The following LTBP2 variants were observed in gnomAD, a reference collection of about 807,000 sequenced individuals.
The protein encoded by LTBP2 is latent transforming growth factor beta binding protein 2, also known as latent-transforming growth factor beta-binding protein 2.
Under a neutral mutation model 210.6 loss-of-function variants are expected in LTBP2, and 103 were observed. The observed-to-expected ratio is 0.49, with a 90% CI of 0.42 to 0.58. The LOEUF is 0.58. Ranked by LOEUF, LTBP2 falls within the 20% of genes least tolerant of loss-of-function variation. LTBP2 has a pLI of 0.00. For missense variants in LTBP2, 2,313 were observed against 2,494.5 expected, an observed-to-expected ratio of 0.93 and a Z score of 1.55; for synonymous variants, 1,007 against 1,015.0, an observed-to-expected ratio of 0.99 and a Z score of 0.15.
chr14:74,566,746 TC>T (rs111309273), intron 3 of LTBP2, among the ~76,000 whole-genome samples: 35 of 152,158 alleles, frequency 2.3e-4, no homozygotes, highest in African/African-American at 7.7e-4. Context: ...GCCAGCCCTC[TC>T]CCCCGTGTCC....
intron 8 of LTBP2, among the ~76,000 whole-genome samples, chr14:74,537,999 C>T (rs537180362): frequency 2.6e-5 from 4 of 152,334 alleles, no homozygotes; most frequent in African/African-American, 7.2e-5. Context: ...AGGTGATCCG[C>T]CTGCTTTGGC....
chr14:74,611,311 C>T, intron 1 of LTBP2, 140 bp downstream of exon 1: 1 of 989,832 alleles, frequency 1.0e-6, no homozygotes, highest in Non-Finnish European at 1.4e-6. Flanking sequence ...ATTTTGGAAC[C>T]TCGGGGCTGT....
intron 18 of LTBP2, among the ~76,000 whole-genome samples, chr14:74,516,372 C>T (rs1829289262): frequency 6.6e-6 from 1 of 151,456 alleles, no homozygotes; most frequent in Non-Finnish European, 1.5e-5. Context: ...CCCTTCCTTC[C>T]TTCCTTCCTC....
chr14:74,526,023 C>T lies in LTBP2; in HGVS notation c.2428+52G>A. Reference sequence around the variant, plus strand: ...TAGTAACTCCACTCCTGATTAAGGGCTCTTTCCCTCCCTTCTCTTTTGCCT... The same window carrying T: ...TAGTAACTCCACTCCTGATTAAGGGTTCTTTCCCTCCCTTCTCTTTTGCCT... On this transcript the variant is annotated intron_variant, in intron 14 of 35. Coordinates refer to ENST00000261978, the MANE Select transcript of LTBP2 (RefSeq NM_000428.3). The T allele has an allele frequency of 8.4e-6, 13 of 1,548,692 alleles. No individual in the cohort carries two copies. The South Asian group carries it at 1.5e-4, about 18-fold the overall frequency.
intron 12 of LTBP2, among the ~76,000 whole-genome samples, chr14:74,527,929 T>C (rs2087295460): frequency 6.6e-6 from 1 of 152,250 alleles, no homozygotes; most frequent in African/African-American, 2.4e-5. Flanking sequence ...GCTGGCGCTA[T>C]GACGTTCCAG....
chr14:74,576,921 C>T (rs1029028255), intron 3 of LTBP2, among the ~76,000 whole-genome samples: 2 of 152,082 alleles, frequency 1.3e-5, no homozygotes, highest in Admixed American at 6.5e-5. Flanking sequence ...CTTTCACACA[C>T]GTCTTAGTTA....
chr14:74,579,036 T>C (rs1274732507), intron 3 of LTBP2, among the ~76,000 whole-genome samples: 2 of 152,200 alleles, frequency 1.3e-5, no homozygotes, highest in Admixed American at 1.3e-4. Flanking sequence ...TTTGTATTTT[T>C]AGTAGAGACG....
rs112663372 is a variant in LTBP2, at chr14:74,546,786, C to G, written c.1789+3077G>C. Among the ~76,000 whole-genome samples the G allele has an allele frequency of 5.4e-4, 82 of 152,364 alleles. No homozygotes were observed. In the South Asian group the frequency reaches 6.8e-3, roughly 13 times the overall value. ...CCGAGCTCACCAGCTGTATTTGGAGCAGGTTCCTTGGGCATCAGGTGGGCT... is the reference window on the plus strand; with the variant it reads ...CCGAGCTCACCAGCTGTATTTGGAGGAGGTTCCTTGGGCATCAGGTGGGCT... On this transcript the variant is annotated intron_variant, in intron 8 of 35. Coordinates refer to ENST00000261978, the MANE Select transcript of LTBP2 (RefSeq NM_000428.3).
intron 2 of LTBP2, among the ~76,000 whole-genome samples, chr14:74,598,223 C>T (rs2088396493): frequency 6.6e-6 from 1 of 152,232 alleles, no homozygotes; most frequent in Non-Finnish European, 1.5e-5. Context: ...ATGGGGCAAA[C>T]AGGCTCCCTC....
At chr14:74,551,452 G>A in intron 6 of LTBP2, 102 bp from the exon 7 acceptor site, 2 of 1,145,258 alleles carry the variant, frequency 1.7e-6, no homozygotes, top group Non-Finnish European at 2.4e-6. Flanking sequence ...CAGGCCACTG[G>A]CTATGTGTCA....
intron 13 of LTBP2, 131 bp downstream of exon 13, chr14:74,527,216 G>T (rs2087284598): frequency 1.6e-6 from 2 of 1,219,464 alleles, no homozygotes; most frequent in East Asian, 2.6e-5. Flanking sequence ...ATCTCTTCAA[G>T]TAAAATCTAA....
chr14:74,575,220 G>A (rs954973863), intron 3 of LTBP2, among the ~76,000 whole-genome samples: 45 of 152,214 alleles, frequency 3.0e-4, no homozygotes, highest in Non-Finnish European at 6.3e-4. Flanking sequence ...GCCGTGGCCT[G>A]CTCAGGGCCT....
intron 3 of LTBP2, among the ~76,000 whole-genome samples, chr14:74,582,801 C>A (rs564723788): frequency 6.6e-6 from 1 of 152,344 alleles, no homozygotes; most frequent in African/African-American, 2.4e-5. Context: ...CGAATCAGAA[C>A]CTGCATGTTG....
intron 8 of LTBP2, among the ~76,000 whole-genome samples, chr14:74,537,794 G>A (rs530942117): frequency 3.3e-5 from 5 of 151,880 alleles, no homozygotes; most frequent in Non-Finnish European, 7.4e-5. Context: ...TTGCTCTGTC[G>A]CACAGGCTGG....
intron 3 of LTBP2, among the ~76,000 whole-genome samples, chr14:74,564,751 A>C (rs1183585645): frequency 6.6e-6 from 1 of 152,032 alleles, no homozygotes; most frequent in Non-Finnish European, 1.5e-5. Flanking sequence ...CATTACGTGC[A>C]TCCTCTCACA....
chr14:74,524,470 C>T (rs2087246140), intron 15 of LTBP2, among the ~76,000 whole-genome samples: 1 of 152,074 alleles, frequency 6.6e-6, no homozygotes, highest in Admixed American at 6.5e-5. Context: ...GCAGGAGCCC[C>T]AGGAGCGGGC....
chr14:74,501,778 T>A, intron 34 of LTBP2, 188 bp from the exon 35 acceptor site: 2 of 684,116 alleles, frequency 2.9e-6, no homozygotes, highest in Non-Finnish European at 4.8e-6. Flanking sequence ...AAAAAAAGTA[T>A]GTGTCATTTT....
intron 3 of LTBP2, among the ~76,000 whole-genome samples, chr14:74,564,122 TA>T (rs2087843612): frequency 2.1e-5 from 1 of 48,386 alleles, no homozygotes; most frequent in African/African-American, 8.3e-5. Flanking sequence ...TATATATATA[TA>T]TTTATATATA....
rs5809669 is a variant in LTBP2, at chr14:74,503,745, G to GC, written c.4583-140dup. On this transcript the variant is annotated intron_variant, in intron 31 of 35. Coordinates refer to ENST00000261978, the MANE Select transcript of LTBP2 (RefSeq NM_000428.3). Reference sequence around the variant, plus strand: ...CCCTCAACCCAGCCCAGCCTGGAAGGCCCTCCTGGGGACAATCTCTGACAG... The same window carrying GC: ...CCCTCAACCCAGCCCAGCCTGGAAGGCCCCTCCTGGGGACAATCTCTGACAG... The GC allele has an allele frequency of 1, 1,409,115 of 1,409,130 alleles. 704,550 individuals carry two copies. The highest frequency in any genetic ancestry group is 1 in the Middle Eastern group (4,338 of 4,338). The allele number at this position is 1,409,130 out of a possible 1,614,324, so 87.3% of individuals were successfully genotyped here.
Sources: gnomAD v4.1 joint callset for allele counts (sites outside exome capture counted in the v4.1 genomes callset) on GRCh38, gnomAD v4.1.1 for gene constraint, MANE v1.5 for transcripts, NCBI Gene and HGNC (gene_info 2026-07-23, HGNC 2026-07-21) for gene names.